The following GRIP1 variants were observed in gnomAD, a reference collection of about 807,000 sequenced individuals.
GRIP1 encodes the protein glutamate receptor interacting protein 1, also known as glutamate receptor-interacting protein 1.
In GRIP1, 45 loss-of-function variants were observed where a neutral mutation model predicts 129.9. The ratio of observed to expected loss-of-function variants is 0.35; its 90% CI spans 0.27 to 0.44. The LOEUF (loss-of-function observed/expected upper bound fraction) is 0.44, where lower values mean the gene tolerates loss of function less well. Among genes scored for constraint, GRIP1 ranks in the 20% least tolerant of loss-of-function variants. The pLI is 1.00. For missense variants in GRIP1, 1,196 were observed against 1,396.8 expected, an observed-to-expected ratio of 0.86 and a Z score of 2.29; for synonymous variants, 530 against 520.8, an observed-to-expected ratio of 1.02 and a Z score of -0.24.
chr12:67,068,966 G>C lies in GRIP1; in HGVS notation c.58+84C>G, dbSNP rs2043686829. ...TCCCCCGTCGGCGGGTGGACGGGTC[G>C]GGAGGGAGCCGGGGAGAGGGAGGCA... On this transcript the variant is annotated intron_variant, in intron 1 of 1. Transcript: ENST00000643019. The C allele has an allele frequency of 1.7e-5, 10 of 605,788 alleles. No individual in the cohort carries two copies. In the South Asian group the frequency reaches 5.8e-4, roughly 35 times the overall value. 37.5% of individuals were successfully genotyped at this position (605,788 alleles called of 1,614,324 possible).
chr12:66,758,060 A>G (rs943190275), intron 1 of GRIP1, among the ~76,000 whole-genome samples: 1 of 152,246 alleles, frequency 6.6e-6, no homozygotes, highest in African/African-American at 2.4e-5. Flanking sequence ...TCTGTGAAAA[A>G]AACAACATAT....
chr12:66,529,722 A>G (rs1226567864), intron 5 of GRIP1, 109 bp downstream of exon 5: 4 of 756,708 alleles, frequency 5.3e-6, no homozygotes, highest in Non-Finnish European at 9.5e-6. Flanking sequence ...AATCTCACAA[A>G]TCACCACTAA....
chr12:66,824,823 T>C (rs1249198504), intron 1 of GRIP1, among the ~76,000 whole-genome samples: 1 of 152,190 alleles, frequency 6.6e-6, no homozygotes, highest in South Asian at 2.1e-4. Flanking sequence ...ATAATTTTTT[T>C]AAATTACTGG....
At chr12:66,668,995 G>A (rs2033938475) in intron 1 of GRIP1, among the ~76,000 whole-genome samples, 1 of 152,026 alleles carries the variant, frequency 6.6e-6, no homozygotes. Context: ...AATATTCCTG[G>A]AGCTTTCTTT....
chr12:66,728,562 C>T (rs941443354), intron 1 of GRIP1, among the ~76,000 whole-genome samples: 1 of 152,106 alleles, frequency 6.6e-6, no homozygotes, highest in Non-Finnish European at 1.5e-5. Context: ...TTAGTTTATG[C>T]CTTTATTGGC....
intron 2 of GRIP1, among the ~76,000 whole-genome samples, chr12:66,584,935 T>C (rs907370796): frequency 9.2e-5 from 14 of 151,964 alleles, no homozygotes; most frequent in African/African-American, 3.4e-4. Flanking sequence ...ACACATCTTC[T>C]CAGCAGGGAC....
chr12:66,855,297 T>C (rs909091028), intron 1 of GRIP1, among the ~76,000 whole-genome samples: 1 of 152,014 alleles, frequency 6.6e-6, no homozygotes, highest in African/African-American at 2.4e-5. Flanking sequence ...AAAAAAATAG[T>C]CTTCAGAGTG....
At chr12:66,561,019 T>C (rs147560171) in intron 2 of GRIP1, among the ~76,000 whole-genome samples, 2 of 152,086 alleles carry the variant, frequency 1.3e-5, no homozygotes, top group African/African-American at 2.4e-5. Flanking sequence ...AAGAATGAGA[T>C]CCTGTCATTT....
At position 66,445,347 on chromosome 12, in the gene GRIP1, T is replaced by C. The variant is rs777139852; in HGVS notation, c.1516A>G (p.Ile506Val). The change falls in exon 12 of 25, where the codon ATC becomes GTC. Residue 506 changes from isoleucine to valine, a missense_variant. By Grantham distance (29) the Ile-to-Val change is conservative (BLOSUM62 3). Transcript: ENST00000359742. The part of the protein sequence containing the change: ...TLSSPPLISY[I>V]EADSPAERCG... ...CTCTCTGCTGGGCTGTCAGCTTCGA[T>C]ATAGGAAATCAGAGGTGGAGAAGAG... is the stretch of plus-strand genomic sequence containing the variant. The C allele has an allele frequency of 1.1e-5, 18 of 1,614,022 alleles. No individual in the cohort carries two copies. Among genetic ancestry groups the C allele is most frequent in the African/African-American group, 8.0e-5 (6 of 74,932 alleles).
chr12:66,596,744 T>C lies in GRIP1; in HGVS notation c.136+103A>G, dbSNP rs1285070127. Reference sequence around the variant, plus strand: ...CTATGCTCTGTGAAATAACATGATTTATTATTATTATTATTATTTTTACCA... The same window carrying C: ...CTATGCTCTGTGAAATAACATGATTCATTATTATTATTATTATTTTTACCA... On this transcript the variant is annotated intron_variant, in intron 2 of 24. Transcript: ENST00000359742. 7 of 480,546 alleles carry C rather than the reference T, an allele frequency of 1.5e-5. 1 individual carries two copies. In the East Asian group the frequency reaches 1.9e-4, roughly 13 times the overall value. 29.8% of individuals were successfully genotyped at this position (480,546 alleles called of 1,614,324 possible). A position where few individuals can be genotyped will look rare whatever the true frequency, so the allele number is the denominator to read the frequency against.
At chr12:67,032,621 T>A (rs2043039537) in intron 1 of GRIP1, among the ~76,000 whole-genome samples, 1 of 152,174 alleles carries the variant, frequency 6.6e-6, no homozygotes, top group African/African-American at 2.4e-5. Context: ...CTATAGGACA[T>A]TTAACAGCAT....
chr12:66,822,806 A>T (rs2039343901), intron 1 of GRIP1, among the ~76,000 whole-genome samples: 1 of 152,150 alleles, frequency 6.6e-6, no homozygotes, highest in South Asian at 2.1e-4. Context: ...AACATTGGGT[A>T]CACATGGACA....
intron 20 of GRIP1, among the ~76,000 whole-genome samples, chr12:66,378,713 C>A (rs1486897066): frequency 6.6e-6 from 1 of 151,906 alleles, no homozygotes; most frequent in African/African-American, 2.4e-5. Context: ...CCACTGCACT[C>A]CAGCCTAGGC....
At chr12:66,671,206 T>C (rs2034063593) in intron 1 of GRIP1, among the ~76,000 whole-genome samples, 1 of 152,206 alleles carries the variant, frequency 6.6e-6, no homozygotes, top group Non-Finnish European at 1.5e-5. Context: ...TTTAGACTCA[T>C]CTTCTGATTT....
intron 1 of GRIP1, among the ~76,000 whole-genome samples, chr12:66,938,052 C>A (rs757898304): frequency 1.4e-4 from 22 of 152,196 alleles, no homozygotes; most frequent in Non-Finnish European, 2.4e-4. Context: ...GAATAAAACA[C>A]AACCTGTTAA....
At chr12:66,396,029 A>G (rs970896739) in intron 16 of GRIP1, among the ~76,000 whole-genome samples, 3 of 152,190 alleles carry the variant, frequency 2.0e-5, no homozygotes, top group Middle Eastern at 3.2e-3. Flanking sequence ...GTACTATTGG[A>G]TAGATTACAT....
chr12:66,799,218 T>C (rs2038788289), intron 1 of GRIP1, among the ~76,000 whole-genome samples: 1 of 152,144 alleles, frequency 6.6e-6, no homozygotes, highest in South Asian at 2.1e-4. Flanking sequence ...AAGTTGGTCA[T>C]ACAAAATAAC....
chr12:66,696,582 C>A (rs952278045), intron 1 of GRIP1, among the ~76,000 whole-genome samples: 1 of 151,542 alleles, frequency 6.6e-6, no homozygotes, highest in African/African-American at 2.4e-5. Context: ...GTCAGGAGAT[C>A]GAGACCATTC....
At chr12:66,698,220 G>T (rs1241339951) in intron 1 of GRIP1, among the ~76,000 whole-genome samples, 1 of 152,150 alleles carries the variant, frequency 6.6e-6, no homozygotes, top group Non-Finnish European at 1.5e-5. Flanking sequence ...ACTTGAACAT[G>T]CACTGAAAAG....
Sources: allele counts gnomAD v4.1 joint callset (sites outside exome capture counted in the v4.1 genomes callset), GRCh38; gene constraint gnomAD v4.1.1; transcripts MANE v1.5; gene names NCBI Gene and HGNC (gene_info 2026-07-23, HGNC 2026-07-21).